PDE11A: variants seen among roughly 807,000 people sequenced by gnomAD.
PDE11A encodes phosphodiesterase 11A.
PDE11A carries 100 observed loss-of-function variants against 100.5 expected under a neutral mutation model. That is an observed-to-expected ratio of 1.00 (90% CI 0.85 to 1.18). PDE11A has a LOEUF of 1.18. Among genes scored for constraint, PDE11A ranks in the 50% most tolerant of loss-of-function variants. The pLI is 0.00. For synonymous variants in PDE11A, 381 were observed against 420.8 expected, an observed-to-expected ratio of 0.91 and a Z score of 1.16; for missense variants, 1,141 against 1,152.6, an observed-to-expected ratio of 0.99 and a Z score of 0.15.
chr2:178,093,510 T>G (rs2087449556), intron 2 of PDE11A, among the ~76,000 whole-genome samples: 1 of 152,184 alleles, frequency 6.6e-6, no homozygotes, highest in Admixed American at 6.5e-5. Flanking sequence ...AAAGGTTCCT[T>G]TCTTTTCTTT....
chr2:178,033,457 C>T (rs901273578), intron 1 of PDE11A, among the ~76,000 whole-genome samples: 1 of 152,114 alleles, frequency 6.6e-6, no homozygotes, highest in Non-Finnish European at 1.5e-5. Flanking sequence ...GAGAATGGAA[C>T]CAAGTTGGAA....
chr2:177,996,128 G>A (rs1460675475), intron 2 of PDE11A, among the ~76,000 whole-genome samples: 6 of 152,034 alleles, frequency 3.9e-5, no homozygotes, highest in Non-Finnish European at 1.5e-5. Flanking sequence ...TTGGGAGGCA[G>A]AGGCAGGAGA....
At chr2:177,951,648 GGGCAATGCAAGT>G (rs2085506551) in intron 2 of PDE11A, among the ~76,000 whole-genome samples, 1 of 152,146 alleles carries the variant, frequency 6.6e-6, no homozygotes, top group East Asian at 1.9e-4. Flanking sequence ...CAATCCCAAA[GGGCAATGCAAGT>G]GGGATATGTG....
chr2:177,953,679 A>G (rs1359040502), intron 2 of PDE11A, among the ~76,000 whole-genome samples: 1 of 152,116 alleles, frequency 6.6e-6, no homozygotes, highest in Non-Finnish European at 1.5e-5. Flanking sequence ...ATCTCCTAAA[A>G]TGATGTTAAT....
Position 177,904,789 on chromosome 2 carries a change from G to A in PDE11A, c.1161+309C>T, listed in dbSNP as rs559037485. On this transcript the variant is annotated intron_variant, in intron 3 of 19. Transcript: ENST00000286063. Reference sequence around the variant, plus strand: ...GGCTGGTCTTGAACTCCTGACCTCAGGTGATTCACTCACCTTGGCCTCCCA... The same window carrying A: ...GGCTGGTCTTGAACTCCTGACCTCAAGTGATTCACTCACCTTGGCCTCCCA... Among the ~76,000 whole-genome samples, 27 of 152,134 alleles carry A rather than the reference G, an allele frequency of 1.8e-4. No individual in the cohort carries two copies. The East Asian group carries it at 5.0e-3, about 28-fold the overall frequency.
At chr2:177,821,602 G>A (rs1433176610) in intron 6 of PDE11A, among the ~76,000 whole-genome samples, 1 of 151,668 alleles carries the variant, frequency 6.6e-6, no homozygotes, top group East Asian at 1.9e-4. Context: ...GAGAGTTCCA[G>A]TTGATTTATA....
chr2:178,045,821 A>C (rs1384333209), intron 1 of PDE11A, among the ~76,000 whole-genome samples: 1 of 152,244 alleles, frequency 6.6e-6, no homozygotes, highest in East Asian at 1.9e-4. Flanking sequence ...TGAATGGCTA[A>C]AACAGCTTCT....
intron 2 of PDE11A, among the ~76,000 whole-genome samples, chr2:177,984,187 G>A (rs2085915379): frequency 6.6e-6 from 1 of 152,168 alleles, no homozygotes; most frequent in Non-Finnish European, 1.5e-5. Flanking sequence ...TTTGAAAGTG[G>A]CTTACTGCTA....
chr2:177,702,767 G>GAATAT (rs1172220833), intron 13 of PDE11A: 9 of 152,064 alleles, frequency 5.9e-5, no homozygotes, highest in African/African-American at 2.2e-4. Flanking sequence ...AGGAATTATT[G>GAATAT]AATATAATAT....
At chr2:178,035,086 G>A (rs13426123) in intron 1 of PDE11A, among the ~76,000 whole-genome samples, 5,518 of 152,000 alleles carry the variant, frequency 0.036, 324 homozygotes, top group African/African-American at 0.13. Context: ...ATGAATCCAG[G>A]AGCTGTTTTT....
chr2:177,651,825 T>C (rs571651607), intron 19 of PDE11A, among the ~76,000 whole-genome samples: 1 of 152,272 alleles, frequency 6.6e-6, no homozygotes, highest in African/African-American at 2.4e-5. Context: ...ATCCCTCTGC[T>C]TGTAGGAGTT....
At chr2:177,681,589 C>T (rs764495747) in intron 15 of PDE11A, among the ~76,000 whole-genome samples, 2 of 152,170 alleles carry the variant, frequency 1.3e-5, no homozygotes, top group African/African-American at 2.4e-5. Flanking sequence ...CATAGTGTCT[C>T]AACATTTTAA....
chr2:177,755,434 G>C (rs754542003), intron 10 of PDE11A, among the ~76,000 whole-genome samples: 1 of 152,170 alleles, frequency 6.6e-6, no homozygotes, highest in African/African-American at 2.4e-5. Flanking sequence ...CCCAGGAAAT[G>C]CCTGCCTGCC....
At chr2:177,926,959 T>G (rs2085133465) in intron 2 of PDE11A, 1 of 152,214 alleles carries the variant, frequency 6.6e-6, no homozygotes. Flanking sequence ...TGCTGAGATC[T>G]CCTCTTCTCT....
chr2:177,713,987 C>CTTTTTTTTTTTTTTT (rs57211363), intron 12 of PDE11A, among the ~76,000 whole-genome samples: 1,010 of 77,386 alleles, frequency 0.013, 37 homozygotes, highest in East Asian at 0.023. Context: ...TTTCTTTTTT[C>CTTTTTTTTTTTTTTT]TTTTTTTTTT....
At chr2:177,858,413 AC>A (rs1404007187) in intron 5 of PDE11A, among the ~76,000 whole-genome samples, 1 of 149,772 alleles carries the variant, frequency 6.7e-6, no homozygotes, top group South Asian at 2.1e-4. Flanking sequence ...AAAAAAAAAA[AC>A]CACATCAAAA....
chr2:178,014,470 A>C lies in PDE11A; in HGVS notation c.913-10T>G. The C allele has an allele frequency of 6.2e-7, 1 of 1,609,650 alleles. No homozygotes were observed. The highest frequency in any genetic ancestry group is 8.5e-7 in the Non-Finnish European group (1 of 1,176,350). On this transcript the variant is annotated splice_polypyrimidine_tract_variant and intron_variant, in intron 1 of 19. Transcript: ENST00000286063. ...CATTGAATCGTCGATCCTAAAAATA[A>C]GACAAAGAAAGCATTAACTGCATGT...
intron 2 of PDE11A, among the ~76,000 whole-genome samples, chr2:177,953,714 C>T (rs528212808): frequency 3.9e-4 from 60 of 152,242 alleles, no homozygotes; most frequent in African/African-American, 1.4e-3. Context: ...AATGCATTCT[C>T]ATCATCTTAG....
chr2:177,968,153 G>A (rs1481434074), intron 2 of PDE11A, among the ~76,000 whole-genome samples: 1 of 152,024 alleles, frequency 6.6e-6, no homozygotes, highest in African/African-American at 2.4e-5. Flanking sequence ...TTGGTAACAA[G>A]GTAACAAAGA....
Sources: gnomAD v4.1 joint callset for allele counts (sites outside exome capture counted in the v4.1 genomes callset) on GRCh38, gnomAD v4.1.1 for gene constraint, MANE v1.5 for transcripts, NCBI Gene and HGNC (gene_info 2026-07-23, HGNC 2026-07-21) for gene names.